The following SEMA3A variants were observed in gnomAD, a reference collection of about 807,000 sequenced individuals.
SEMA3A encodes semaphorin 3A.
Under a neutral mutation model 97.9 loss-of-function variants are expected in SEMA3A, and 29 were observed. The ratio of observed to expected loss-of-function variants is 0.30; its 90% CI spans 0.22 to 0.40. The LOEUF (loss-of-function observed/expected upper bound fraction) is 0.40. SEMA3A is among the 10% of genes least tolerant of loss of function. The pLI is 1.00. For missense variants in SEMA3A, 763 were observed against 951.3 expected (o/e 0.80, Z 2.60); for synonymous variants, 321 against 323.7 (o/e 0.99, Z 0.09).
chr7:84,025,907 G>A (rs1791527868), intron 6 of SEMA3A, among the ~76,000 whole-genome samples: 1 of 152,150 alleles, frequency 6.6e-6, no homozygotes, highest in Non-Finnish European at 1.5e-5. Context: ...TACATGGAGT[G>A]TTTGCACCTA....
intron 1 of SEMA3A, among the ~76,000 whole-genome samples, chr7:84,463,539 C>T (rs1163020036): frequency 1.3e-5 from 2 of 152,008 alleles, no homozygotes; most frequent in African/African-American, 4.8e-5. Context: ...TGAGCCACCG[C>T]GCCTGGCGTT....
chr7:84,442,118 G>A (rs186849175), intron 1 of SEMA3A, among the ~76,000 whole-genome samples: 1 of 152,248 alleles, frequency 6.6e-6, no homozygotes, highest in East Asian at 1.9e-4. Flanking sequence ...TGTAGTGATG[G>A]TGTGTAACTC....
chr7:84,415,212 C>A (rs1411993866), intron 1 of SEMA3A, among the ~76,000 whole-genome samples: 1 of 152,014 alleles, frequency 6.6e-6, no homozygotes, highest in Non-Finnish European at 1.5e-5. Context: ...CAGGTGACCT[C>A]TGTTATTTCA....
intron 1 of SEMA3A, among the ~76,000 whole-genome samples, chr7:84,455,347 A>G (rs942024631): frequency 6.6e-6 from 1 of 151,964 alleles, no homozygotes; most frequent in African/African-American, 2.4e-5. Context: ...TTCAATGTTT[A>G]TTTTACAAAG....
chr7:84,065,637 A>G (rs1412709900), intron 4 of SEMA3A, among the ~76,000 whole-genome samples: 1 of 151,688 alleles, frequency 6.6e-6, no homozygotes, highest in Non-Finnish European at 1.5e-5. Context: ...GAATACTACA[A>G]ACACCTCTAC....
intron 2 of SEMA3A, among the ~76,000 whole-genome samples, chr7:84,313,376 AT>A (rs1801407160): frequency 3.8e-5 from 3 of 78,822 alleles, no homozygotes; most frequent in Non-Finnish European, 8.1e-5. Context: ...ATATATATAT[AT>A]ATATATATAT....
intron 1 of SEMA3A, among the ~76,000 whole-genome samples, chr7:84,436,996 G>A (rs1019915878): frequency 2.6e-5 from 4 of 152,060 alleles, no homozygotes; most frequent in African/African-American, 9.7e-5. Flanking sequence ...AAATACCAAT[G>A]ATTCAATTCC....
rs1414194380 is a variant in SEMA3A at position 84,464,605 on chromosome 7, A to G, written c.-246+27855T>C. Reference sequence around the variant, plus strand: ...TGGAACTTTAAATTTCATGGTACAAATTTACATTTTCCTCCAATTGCCACA... The same window carrying G: ...TGGAACTTTAAATTTCATGGTACAAGTTTACATTTTCCTCCAATTGCCACA... On this transcript the variant is annotated intron_variant, in intron 1 of 3. Coordinates refer to the SEMA3A transcript ENST00000424555. 2.6e-5 allele frequency among the ~76,000 whole-genome samples: 4 copies of G among 152,228 alleles called. No individual in the cohort carries two copies. In the South Asian group the frequency reaches 8.3e-4, roughly 32 times the overall value.
chr7:84,198,388 T>C (rs1798286761), upstream of SEMA3A, among the ~76,000 whole-genome samples: 1 of 151,958 alleles, frequency 6.6e-6, no homozygotes, highest in Non-Finnish European at 1.5e-5. Flanking sequence ...AGACAGGGTT[T>C]CACCATGTTG....
At chr7:84,348,186 G>T (rs1802349119) in intron 2 of SEMA3A, among the ~76,000 whole-genome samples, 1 of 152,048 alleles carries the variant, frequency 6.6e-6, no homozygotes, top group Non-Finnish European at 1.5e-5. Context: ...AATTAATGTG[G>T]CTTTGCTAAA....
At chr7:84,171,725 C>A (rs1321128504) in intron 1 of SEMA3A, among the ~76,000 whole-genome samples, 7 of 151,896 alleles carry the variant, frequency 4.6e-5, no homozygotes, top group Non-Finnish European at 4.4e-5. Flanking sequence ...CAAGAAATTA[C>A]AATTCTCATA....
intron 3 of SEMA3A, among the ~76,000 whole-genome samples, chr7:84,221,503 C>A (rs1274154573): frequency 6.6e-6 from 1 of 152,078 alleles, no homozygotes; most frequent in Non-Finnish European, 1.5e-5. Flanking sequence ...TAAGCAAAAT[C>A]ATTTTCTACC....
intron 1 of SEMA3A, among the ~76,000 whole-genome samples, chr7:84,420,975 G>A (rs568474675): frequency 1.7e-4 from 26 of 151,692 alleles, no homozygotes; most frequent in African/African-American, 3.9e-4. Flanking sequence ...AGGATTTTTT[G>A]TGTCTCTATC....
At chr7:84,163,919 C>G (rs1201976175) in intron 1 of SEMA3A, among the ~76,000 whole-genome samples, 2 of 150,874 alleles carry the variant, frequency 1.3e-5, no homozygotes, top group African/African-American at 4.9e-5. Flanking sequence ...AATCTCGGCT[C>G]ACCGCAACCT....
At chr7:84,247,004 T>A (rs1799489887) in intron 3 of SEMA3A, among the ~76,000 whole-genome samples, 1 of 152,120 alleles carries the variant, frequency 6.6e-6, no homozygotes, top group Non-Finnish European at 1.5e-5. Context: ...GTGTCATTAA[T>A]GCCATCAAAA....
At chr7:84,262,891 A>G (rs970359085) in intron 3 of SEMA3A, among the ~76,000 whole-genome samples, 4 of 152,190 alleles carry the variant, frequency 2.6e-5, no homozygotes, top group Admixed American at 1.3e-4. Context: ...CTTTATTCAG[A>G]GTATCAGGAT....
chr7:84,308,853 T>G (rs780449774), intron 2 of SEMA3A, among the ~76,000 whole-genome samples: 1 of 147,324 alleles, frequency 6.8e-6, no homozygotes, highest in Non-Finnish European at 1.5e-5. Flanking sequence ...GTTTCACCCT[T>G]GTCACCCAGG....
chr7:84,150,953 C>A (rs1039115115), intron 1 of SEMA3A, among the ~76,000 whole-genome samples: 3 of 150,382 alleles, frequency 2.0e-5, no homozygotes, highest in African/African-American at 7.3e-5. Context: ...AGCAGCCTAA[C>A]TGGGAGGCAC....
intron 1 of SEMA3A, among the ~76,000 whole-genome samples, chr7:84,158,200 G>A (rs752757020): frequency 1.4e-5 from 2 of 140,046 alleles, no homozygotes; most frequent in South Asian, 2.3e-4. Flanking sequence ...TGTTGCCCAG[G>A]CTGGAGTGCA....
Sources: allele counts gnomAD v4.1 joint callset (sites outside exome capture counted in the v4.1 genomes callset), GRCh38; gene constraint gnomAD v4.1.1; transcripts MANE v1.5; gene names NCBI Gene and HGNC (gene_info 2026-07-23, HGNC 2026-07-21).